Variants in CDH23 observed in about 807,000 individuals in gnomAD.
CDH23 encodes cadherin related 23.
CDH23 carries 189 observed loss-of-function variants against 317.1 expected under a neutral mutation model. The observed-to-expected ratio is 0.60, with a 90% confidence interval of 0.53 to 0.67. The LOEUF is 0.67. Ranked by LOEUF, CDH23 falls within the 30% of genes least tolerant of loss-of-function variation. The pLI is 0.00. For missense variants in CDH23, 4,401 were observed against 4,592.4 expected, an observed-to-expected ratio of 0.96 and a Z score of 1.20; for synonymous variants, 1,839 against 1,876.8, an observed-to-expected ratio of 0.98 and a Z score of 0.52.
At chr10:71,440,983 C>T (rs1849849100) in intron 2 of CDH23, among the ~76,000 whole-genome samples, 1 of 152,138 alleles carries the variant, frequency 6.6e-6, no homozygotes, top group African/African-American at 2.4e-5. Flanking sequence ...CGAGGATTCC[C>T]TCTCCTTGCC....
chr10:71,518,339 AT>A (rs1336029827), intron 6 of CDH23, among the ~76,000 whole-genome samples: 1 of 152,092 alleles, frequency 6.6e-6, no homozygotes, highest in Non-Finnish European at 1.5e-5. Flanking sequence ...CTTTGCATGT[AT>A]TGTTTTGCAA....
intron 14 of CDH23, among the ~76,000 whole-genome samples, chr10:71,658,245 G>GAGAGAGAGAAAGAGGA (rs1375833830): frequency 6.6e-6 from 1 of 152,150 alleles, no homozygotes; most frequent in Non-Finnish European, 1.5e-5. Flanking sequence ...GACCGGGGTA[G>GAGAGAGAGAAAGAGGA]AGAGAGAGAA....
chr10:71,616,110 G>T (rs539795144), intron 10 of CDH23, among the ~76,000 whole-genome samples: 1 of 152,214 alleles, frequency 6.6e-6, no homozygotes, highest in Non-Finnish European at 1.5e-5. Context: ...CTACAGTCCC[G>T]CACCCGCTGC....
At chr10:71,795,728 A>T (rs1047451664) in intron 48 of CDH23, 8 of 431,392 alleles carry the variant, frequency 1.9e-5, no homozygotes, top group Admixed American at 3.1e-4. Flanking sequence ...CCACCCCGTC[A>T]GCTCTGAGTC....
In CDH23 at chr10:71,499,446, G is replaced by A. The variant is rs113196968; in HGVS notation, c.146-10636G>A. On this transcript the variant is annotated intron_variant, in intron 3 of 69. Coordinates refer to ENST00000224721, the MANE Select transcript of CDH23 (RefSeq NM_022124.6). ...GCATAGTGGCACATGCTTGTAATCC[G>A]AGCTACTTGGGAGGCTGAGGCAAGA... Among the ~76,000 whole-genome samples the A allele has an allele frequency of 0.011, 1,599 of 152,060 alleles. 46 individuals carry two copies. The East Asian group carries it at 0.12, about 12-fold the overall frequency.
chr10:71,795,269 G>A (rs1025039112), intron 48 of CDH23, among the ~76,000 whole-genome samples: 4 of 152,112 alleles, frequency 2.6e-5, no homozygotes, highest in Admixed American at 6.5e-5. Context: ...AGTGTGCAGC[G>A]AGCCAAAGAA....
chr10:71,492,102 G>C (rs35846586), intron 3 of CDH23, among the ~76,000 whole-genome samples: 21,445 of 152,148 alleles, frequency 0.14, 1,834 homozygotes, highest in Middle Eastern at 0.18. Context: ...GAAATTACTC[G>C]ATGTTCAGGA....
chr10:71,479,300 G>C (rs894889799), intron 3 of CDH23, among the ~76,000 whole-genome samples: 2 of 152,192 alleles, frequency 1.3e-5, no homozygotes, highest in African/African-American at 4.8e-5. Flanking sequence ...GTTTCCTCAT[G>C]CTCATTTCTT....
chr10:71,812,268 G>T, intron 66 of CDH23: 1 of 1,599,244 alleles, frequency 6.3e-7, no homozygotes. Context: ...TGAAGCCTCT[G>T]CACCAAAGGC....
intron 60 of CDH23, among the ~76,000 whole-genome samples, chr10:71,808,357 TTCCATCCATCCTTTCTTCCA>T (rs1246136089): frequency 4.6e-5 from 7 of 152,196 alleles, no homozygotes; most frequent in Non-Finnish European, 1.0e-4. Context: ...CATCTGTCTC[TTCCATCCATCCTTTCTTCCA>T]TCTGTCCATC....
At chr10:71,462,412 G>A (rs997408033) in intron 3 of CDH23, among the ~76,000 whole-genome samples, 4 of 152,368 alleles carry the variant, frequency 2.6e-5, no homozygotes, top group South Asian at 4.1e-4. Flanking sequence ...GTCAGTGGAA[G>A]TGGGGCTTCA....
intron 57 of CDH23, 47 bp downstream of exon 57, chr10:71,806,328 A>C (rs551901847): frequency 9.8e-6 from 13 of 1,320,684 alleles, no homozygotes; most frequent in Non-Finnish European, 1.3e-5. Context: ...ACAGGGACTC[A>C]CCTGCCTGCA....
intron 23 of CDH23, 147 bp downstream of exon 23, chr10:71,702,358 T>C: frequency 8.7e-7 from 1 of 1,143,128 alleles, no homozygotes; most frequent in Non-Finnish European, 1.3e-6. Context: ...CAGTTGTGAC[T>C]CCTAGAGCAC....
chr10:71,505,031 A>G (rs1287724023), intron 3 of CDH23, among the ~76,000 whole-genome samples: 1 of 152,240 alleles, frequency 6.6e-6, no homozygotes, highest in Non-Finnish European at 1.5e-5. Flanking sequence ...GCTCTACAGT[A>G]GTTCCAATGT....
At chr10:71,477,721 C>G (rs547911001) in intron 3 of CDH23, among the ~76,000 whole-genome samples, 1 of 152,292 alleles carries the variant, frequency 6.6e-6, no homozygotes, top group South Asian at 2.1e-4. Flanking sequence ...ACATTCAGTT[C>G]GTTGCCTAAG....
chr10:71,536,063 G>A (rs888050004), intron 6 of CDH23, among the ~76,000 whole-genome samples: 2 of 152,376 alleles, frequency 1.3e-5, no homozygotes, highest in Admixed American at 6.5e-5. Flanking sequence ...GAAGGTGCAC[G>A]CGCCTTGCTG....
intron 55 of CDH23, among the ~76,000 whole-genome samples, chr10:71,803,815 CAAA>C (rs59916449): frequency 0.12 from 8,495 of 71,116 alleles, 435 homozygotes; most frequent in East Asian, 0.32. Flanking sequence ...ACTAAAAATG[CAAA>C]AAAAAAAAAA....
rs1564706920 is a variant in CDH23, at chr10:71,645,874, C to T, written c.1184C>T (p.Ser395Phe). Residue 395 changes from serine to phenylalanine, a missense_variant, in exon 13 of 70, where the codon TCC (serine) becomes TTC (phenylalanine). Around this residue, in one of 3 missense-constraint regions of CDH23, gnomAD observed 3,068 missense variants for 3,203.3 expected, o/e 0.96. Transcript: ENST00000224721. ...MFEVYLVGNN[S>F]HHFIISPTSV... Reference sequence around the variant, plus strand: ...GAGGTGTACTTGGTGGGGAACAACTCCCACCACTTCATCATCTCCCCGACC... The same window carrying T: ...GAGGTGTACTTGGTGGGGAACAACTTCCACCACTTCATCATCTCCCCGACC... The T allele has an allele frequency of 6.2e-7, 1 of 1,613,422 alleles. No individual in the cohort carries two copies. Among genetic ancestry groups the T allele is most frequent in the African/African-American group, 1.3e-5 (1 of 75,044 alleles).
intron 28 of CDH23, chr10:71,715,660 C>A (rs896773831): frequency 1.6e-5 from 5 of 317,866 alleles, no homozygotes; most frequent in Non-Finnish European, 2.9e-5. Context: ...TGTGGAGCCT[C>A]AGGCCAAAGG....
Sources: gnomAD v4.1 joint callset for allele counts (sites outside exome capture counted in the v4.1 genomes callset) on GRCh38, gnomAD v4.1.1 for gene constraint, gnomAD v4.1.1 regional missense constraint, MANE v1.5 for transcripts, NCBI Gene and HGNC (gene_info 2026-07-23, HGNC 2026-07-21) for gene names.